Variants in AOPEP observed in about 807,000 individuals in gnomAD.
The protein encoded by AOPEP is aminopeptidase O (putative), also known as aminopeptidase O.
A neutral mutation model predicts 98.1 loss-of-function variants in AOPEP; 77 were observed. The observed-to-expected ratio is 0.78, with a 90% confidence interval of 0.65 to 0.95. The LOEUF (loss-of-function observed/expected upper bound fraction) is 0.95. AOPEP is among the 40% of genes least tolerant of loss of function. AOPEP has a pLI of 0.00. For synonymous variants in AOPEP, 346 were observed against 365.3 expected, an observed-to-expected ratio of 0.95 and a Z score of 0.60; for missense variants, 1,024 against 1,024.7, an observed-to-expected ratio of 1.00 and a Z score of 0.01.
At chr9:94,921,947 G>A (rs1023686819) in intron 5 of AOPEP, among the ~76,000 whole-genome samples, 4 of 152,138 alleles carry the variant, frequency 2.6e-5, no homozygotes, top group Non-Finnish European at 5.9e-5. Context: ...AGATGGGAAG[G>A]GGAAATTTAG....
intron 5 of AOPEP, among the ~76,000 whole-genome samples, chr9:94,914,523 CGTGTGTGTGT>C (rs67826706): frequency 1.1e-4 from 16 of 143,704 alleles, no homozygotes; most frequent in East Asian, 4.1e-4. Flanking sequence ...TGGCATTAGA[CGTGTGTGTGT>C]GTGTGTGTGT....
intron 1 of AOPEP, among the ~76,000 whole-genome samples, chr9:94,748,205 G>A (rs113874263): frequency 4.6e-5 from 7 of 152,172 alleles, no homozygotes; most frequent in African/African-American, 1.4e-4. Flanking sequence ...TTGTTTCTCT[G>A]AGAATTCAGA....
At chr9:95,008,886 G>A (rs1305770314) in intron 13 of AOPEP, among the ~76,000 whole-genome samples, 1 of 152,130 alleles carries the variant, frequency 6.6e-6, no homozygotes. Context: ...CTCCTGGTAT[G>A]ACTGAATTCT....
At chr9:95,097,706 A>C in the AOPEP span, among the ~76,000 whole-genome samples, 2 of 152,232 alleles carry the variant, frequency 1.3e-5, no homozygotes, top group East Asian at 3.9e-4. Flanking sequence ...CAGCAAGTGC[A>C]GTAAGACACC....
intron 14 of AOPEP, among the ~76,000 whole-genome samples, chr9:95,063,894 A>G (rs566282637): frequency 2.8e-5 from 4 of 145,044 alleles, no homozygotes; most frequent in Non-Finnish European, 4.6e-5. Flanking sequence ...GACTGACTAC[A>G]GCTAATTGAC....
intron 13 of AOPEP, among the ~76,000 whole-genome samples, chr9:95,059,354 C>T (rs1175992662): frequency 2.0e-5 from 3 of 152,168 alleles, no homozygotes; most frequent in Non-Finnish European, 4.4e-5. Context: ...GGTGTCTTGT[C>T]TCCTTTCTTT....
intron 6 of AOPEP, among the ~76,000 whole-genome samples, chr9:94,927,112 G>A (rs1201201785): frequency 6.6e-6 from 1 of 152,188 alleles, no homozygotes; most frequent in African/African-American, 2.4e-5. Flanking sequence ...TTCCTGGCTT[G>A]CAGGTGGCCA....
At chr9:95,126,505 T>C in the AOPEP span, 1 of 1,608,914 alleles carries the variant, frequency 6.2e-7, no homozygotes, top group Non-Finnish European at 8.5e-7. Flanking sequence ...CATCAATTAC[T>C]AGAAGAAACA....
intron 5 of AOPEP, among the ~76,000 whole-genome samples, chr9:94,896,022 C>G (rs1465615100): frequency 1.3e-5 from 2 of 152,048 alleles, no homozygotes; most frequent in African/African-American, 2.4e-5. Flanking sequence ...TTGCCTATCT[C>G]TATTCTAGAC....
intron 5 of AOPEP, among the ~76,000 whole-genome samples, chr9:94,922,201 T>C (rs1266907797): frequency 6.6e-6 from 1 of 152,188 alleles, no homozygotes; most frequent in African/African-American, 2.4e-5. Context: ...CTGGTGAGGC[T>C]TCCACACTGG....
chr9:94,922,866 G>C (rs2053821336), intron 5 of AOPEP, among the ~76,000 whole-genome samples: 1 of 152,236 alleles, frequency 6.6e-6, no homozygotes, highest in South Asian at 2.1e-4. Flanking sequence ...AGCTCTCTGA[G>C]CTGAATGGGT....
chr9:95,123,599 G>A, the AOPEP span: 1 of 593,542 alleles, frequency 1.7e-6, no homozygotes, highest in Non-Finnish European at 3.2e-6. Flanking sequence ...CACGAACTGT[G>A]CCCAATGTGT....
At chr9:94,912,963 T>C (rs2052299342) in intron 5 of AOPEP, among the ~76,000 whole-genome samples, 1 of 152,230 alleles carries the variant, frequency 6.6e-6, no homozygotes, top group Admixed American at 6.5e-5. Context: ...ACCTCTCCAG[T>C]GTGTGCCAGT....
chr9:95,009,744 A>G (rs1384833334), intron 13 of AOPEP, among the ~76,000 whole-genome samples: 1 of 152,230 alleles, frequency 6.6e-6, no homozygotes, highest in Non-Finnish European at 1.5e-5. Flanking sequence ...CTTTTCTGCC[A>G]GAACCCAAAA....
intron 11 of AOPEP, among the ~76,000 whole-genome samples, chr9:94,997,941 C>T (rs1279747232): frequency 6.6e-6 from 1 of 151,972 alleles, no homozygotes; most frequent in Non-Finnish European, 1.5e-5. Flanking sequence ...TCAAGTGATC[C>T]TCCCACCTCA....
chr9:94,729,747 C>A (rs190212474), intron 1 of AOPEP, among the ~76,000 whole-genome samples: 7 of 152,202 alleles, frequency 4.6e-5, no homozygotes, highest in Admixed American at 2.6e-4. Context: ...GTGTGATAAT[C>A]AAAAATGTCT....
chr9:95,138,493 G>A, the AOPEP span, among the ~76,000 whole-genome samples: 4 of 152,324 alleles, frequency 2.6e-5, no homozygotes, highest in South Asian at 6.2e-4. Context: ...ATGGAGCCAG[G>A]AAGCTCTGAA....
At chr9:95,028,295 A>G (rs1564543364) in intron 13 of AOPEP, among the ~76,000 whole-genome samples, 2 of 152,236 alleles carry the variant, frequency 1.3e-5, no homozygotes, top group African/African-American at 4.8e-5. Flanking sequence ...CGGTTCTCAT[A>G]GGGCAGAATC....
At chr9:94,778,093 A>C (rs1443980519) in intron 3 of AOPEP, among the ~76,000 whole-genome samples, 2 of 152,236 alleles carry the variant, frequency 1.3e-5, no homozygotes, top group African/African-American at 4.8e-5. Flanking sequence ...AACCATAATG[A>C]GATAGTATTT....
Sources: gnomAD v4.1 joint callset for allele counts (sites outside exome capture counted in the v4.1 genomes callset) on GRCh38, gnomAD v4.1.1 for gene constraint, MANE v1.5 for transcripts, NCBI Gene and HGNC (gene_info 2026-07-23, HGNC 2026-07-21) for gene names.